The following GRM7 variants were observed in gnomAD, a reference collection of about 807,000 sequenced individuals.
GRM7 encodes the protein metabotropic glutamate receptor 7.
A neutral mutation model predicts 84.5 loss-of-function variants in GRM7; 35 were observed. The observed-to-expected ratio is 0.41, with a 90% confidence interval of 0.32 to 0.55. The LOEUF is 0.55. Among genes scored for constraint, GRM7 ranks in the 20% least tolerant of loss-of-function variants. The pLI is 0.19. For missense variants in GRM7, 1,003 were observed against 1,194.6 expected, an observed-to-expected ratio of 0.84 and a Z score of 2.36; for synonymous variants, 487 against 455.1, an observed-to-expected ratio of 1.07 and a Z score of -0.89.
chr3:6,923,427 CTTGAT>C (rs1697193077), intron 1 of GRM7, among the ~76,000 whole-genome samples: 1 of 152,140 alleles, frequency 6.6e-6, no homozygotes, highest in African/African-American at 2.4e-5. Flanking sequence ...TTAGAAGCAT[CTTGAT>C]TTGATTTATG....
In GRM7 at chr3:6,921,071, G is replaced by A. The variant is rs139533191; in HGVS notation, c.519+59164G>A. ...GTGAAAATGACTTCTGAAGGCATCC[G>A]TCACATTGGCTTCGAGAAGTCTGTT... On this transcript the variant is annotated intron_variant, in intron 1 of 9. Transcript: ENST00000357716. Among the ~76,000 whole-genome samples the A allele has an allele frequency of 6.1e-4, 93 of 152,304 alleles. 1 individual carries two copies. The highest frequency in any genetic ancestry group is 3.4e-3 in the Middle Eastern group (1 of 294).
chr3:7,538,024 G>T (rs1390993348), intron 7 of GRM7, among the ~76,000 whole-genome samples: 2 of 152,150 alleles, frequency 1.3e-5, no homozygotes, highest in Non-Finnish European at 2.9e-5. Flanking sequence ...AAATTTAACT[G>T]GTTTGAGCTT....
chr3:7,223,065 G>A (rs1171856785), intron 2 of GRM7, among the ~76,000 whole-genome samples: 1 of 152,054 alleles, frequency 6.6e-6, no homozygotes, highest in Non-Finnish European at 1.5e-5. Flanking sequence ...TTCATATTTA[G>A]ATACTTGTTC....
intron 2 of GRM7, among the ~76,000 whole-genome samples, chr3:7,234,449 C>G (rs1697287577): frequency 6.6e-6 from 1 of 152,132 alleles, no homozygotes; most frequent in South Asian, 2.1e-4. Context: ...AATAAAGTAT[C>G]TGCCTCATAG....
At chr3:7,724,205 A>G (rs952164250) in intron 9 of GRM7, among the ~76,000 whole-genome samples, 5 of 152,138 alleles carry the variant, frequency 3.3e-5, no homozygotes, top group African/African-American at 1.2e-4. Context: ...TTCCCTATCC[A>G]TGAGAAAGCA....
intron 1 of GRM7, among the ~76,000 whole-genome samples, chr3:7,143,553 T>C (rs1411987686): frequency 2.0e-5 from 3 of 152,140 alleles, no homozygotes; most frequent in African/African-American, 7.2e-5. Context: ...CCACAGATAG[T>C]AACCATTTTC....
At chr3:7,173,910 T>C (rs889620569) in intron 2 of GRM7, among the ~76,000 whole-genome samples, 1 of 152,238 alleles carries the variant, frequency 6.6e-6, no homozygotes, top group Non-Finnish European at 1.5e-5. Flanking sequence ...CTTTTGATTA[T>C]CTCTATCCTC....
intron 1 of GRM7, among the ~76,000 whole-genome samples, chr3:6,906,895 G>A (rs1463873703): frequency 6.6e-6 from 1 of 152,064 alleles, no homozygotes; most frequent in Non-Finnish European, 1.5e-5. Flanking sequence ...ACAAAGAACT[G>A]CACATATTTA....
chr3:7,327,844 A>G (rs1701046119), intron 4 of GRM7, among the ~76,000 whole-genome samples: 1 of 152,234 alleles, frequency 6.6e-6, no homozygotes, highest in South Asian at 2.1e-4. Flanking sequence ...CTAATTTCAA[A>G]AGCAACCATT....
rs549250728 is a variant in GRM7, at chr3:7,331,833, G to C, written c.1033+25181G>C. Among the ~76,000 whole-genome samples the C allele has an allele frequency of 2.0e-5, 3 of 152,256 alleles. No homozygotes were observed. The South Asian group carries it at 6.2e-4, about 32-fold the overall frequency. On this transcript the variant is annotated intron_variant, in intron 4 of 9. Transcript: ENST00000357716. The stretch of plus-strand genomic sequence containing the variant: ...GGGCTCTACCATTATTAAAGAATTA[G>C]AGAAGAATCAAGGGATTCAATGTCA...
At chr3:6,900,345 C>A (rs935016635) in intron 1 of GRM7, among the ~76,000 whole-genome samples, 3 of 152,156 alleles carry the variant, frequency 2.0e-5, no homozygotes, top group Non-Finnish European at 4.4e-5. Context: ...GGCGTGAAAT[C>A]AGTTGTTTTA....
chr3:7,241,417 A>G (rs1559521585), intron 2 of GRM7, among the ~76,000 whole-genome samples: 1 of 152,160 alleles, frequency 6.6e-6, no homozygotes, highest in Non-Finnish European at 1.5e-5. Context: ...CATTAGCATT[A>G]TTTTTTATCC....
At chr3:7,146,377 A>T (rs988692828) in intron 1 of GRM7, 75 bp from the exon 2 acceptor site, 7 of 1,152,010 alleles carry the variant, frequency 6.1e-6, no homozygotes, top group Non-Finnish European at 9.2e-6. Context: ...TATTTTAAGT[A>T]AACTGTCATA....
At chr3:6,872,530 G>A (rs1469110246) in intron 1 of GRM7, among the ~76,000 whole-genome samples, 1 of 152,060 alleles carries the variant, frequency 6.6e-6, no homozygotes, top group Non-Finnish European at 1.5e-5. Flanking sequence ...TGTTACATAG[G>A]TATACATGTG....
intron 7 of GRM7, among the ~76,000 whole-genome samples, chr3:7,479,283 G>A (rs1292790594): frequency 1.3e-5 from 2 of 152,032 alleles, no homozygotes; most frequent in African/African-American, 2.4e-5. Flanking sequence ...CCTCAAAATG[G>A]TGGTGAGGAA....
chr3:6,875,683 A>T (rs1695276577), intron 1 of GRM7, among the ~76,000 whole-genome samples: 1 of 152,222 alleles, frequency 6.6e-6, no homozygotes, highest in African/African-American at 2.4e-5. Context: ...TTACCTGCTT[A>T]TAACTTAGCT....
chr3:6,946,077 G>C (rs553259188), intron 1 of GRM7, among the ~76,000 whole-genome samples: 1 of 152,114 alleles, frequency 6.6e-6, no homozygotes, highest in Non-Finnish European at 1.5e-5. Context: ...GATCCCATTT[G>C]TCAATTTTGT....
intron 2 of GRM7, among the ~76,000 whole-genome samples, chr3:7,263,635 G>A (rs542111237): frequency 7.0e-4 from 106 of 152,256 alleles, no homozygotes; most frequent in African/African-American, 2.3e-3. Context: ...TCTGCTGTGC[G>A]CCCTCTGTGT....
At chr3:7,048,330 G>T (rs1696873560) in intron 1 of GRM7, among the ~76,000 whole-genome samples, 1 of 151,690 alleles carries the variant, frequency 6.6e-6, no homozygotes, top group South Asian at 2.1e-4. Context: ...TTTCTTGGTT[G>T]TTGCAATTTT....
Sources: gnomAD v4.1 joint callset for allele counts (sites outside exome capture counted in the v4.1 genomes callset) on GRCh38, gnomAD v4.1.1 for gene constraint, MANE v1.5 for transcripts, NCBI Gene and HGNC (gene_info 2026-07-23, HGNC 2026-07-21) for gene names.